Variants in DST observed in about 807,000 individuals in gnomAD.
DST encodes the protein bullous pemphigoid antigen.
DST carries 253 observed loss-of-function variants against 875.2 expected under a neutral mutation model. The observed-to-expected ratio is 0.29, with a 90% CI of 0.26 to 0.32. DST has a LOEUF of 0.32. Ranked by LOEUF, DST falls within the 10% of genes least tolerant of loss-of-function variation. DST has a pLI of 1.00. For missense variants in DST, 8,287 were observed against 9,111.6 expected, an observed-to-expected ratio of 0.91 and a Z score of 3.68; for synonymous variants, 3,124 against 3,197.1, an observed-to-expected ratio of 0.98 and a Z score of 0.77.
chr6:56,697,201 T>A (rs2099268687), intron 9 of DST, among the ~76,000 whole-genome samples: 1 of 152,170 alleles, frequency 6.6e-6, no homozygotes, highest in Non-Finnish European at 1.5e-5. Context: ...ACAAATCCCT[T>A]TCCTACACCC....
chr6:56,530,265 CTT>C, intron 64 of DST, 132 bp from the exon 65 acceptor site: 1 of 622,660 alleles, frequency 1.6e-6, no homozygotes, highest in South Asian at 5.7e-5. Context: ...ATTTAAATCT[CTT>C]AACATTTAAA....
At chr6:56,909,255 C>T (rs1797814850) in intron 2 of DST, among the ~76,000 whole-genome samples, 1 of 152,110 alleles carries the variant, frequency 6.6e-6, no homozygotes, top group African/African-American at 2.4e-5. Context: ...CCATGTTTGC[C>T]TTTTTTTGTT....
chr6:56,733,876 A>C (rs529614232), intron 5 of DST, among the ~76,000 whole-genome samples: 38 of 152,352 alleles, frequency 2.5e-4, no homozygotes, highest in Admixed American at 1.2e-3. Context: ...GGGTGAAAAA[A>C]ACAGGGGGAA....
intron 44 of DST, among the ~76,000 whole-genome samples, chr6:56,600,891 G>A (rs1286613335): frequency 6.6e-6 from 1 of 152,002 alleles, no homozygotes; most frequent in Non-Finnish European, 1.5e-5. Flanking sequence ...ACACATGCTA[G>A]GCAAGGTACT....
chr6:56,804,174 C>CTCCAACCACCCTTGCA (rs2099750503), intron 4 of DST, among the ~76,000 whole-genome samples: 1 of 152,080 alleles, frequency 6.6e-6, no homozygotes, highest in South Asian at 2.1e-4. Flanking sequence ...ATCCCAAGGG[C>CTCCAACCACCCTTGCA]TCCAACCACA....
At chr6:56,589,733 A>G (rs2098235493) in intron 49 of DST, among the ~76,000 whole-genome samples, 1 of 152,236 alleles carries the variant, frequency 6.6e-6, no homozygotes, top group Non-Finnish European at 1.5e-5. Context: ...ATTTCCCTGG[A>G]AGGGGATCTT....
intron 4 of DST, among the ~76,000 whole-genome samples, chr6:56,792,698 T>G (rs1373735182): frequency 6.6e-6 from 1 of 152,146 alleles, no homozygotes; most frequent in East Asian, 1.9e-4. Flanking sequence ...CTGTAATAAT[T>G]TTGCCACAAA....
chr6:56,507,625 A>G lies in DST; in HGVS notation c.19240-836T>C, dbSNP rs536427201. Among the ~76,000 whole-genome samples, 13 of 152,312 alleles carry G rather than the reference A, an allele frequency of 8.5e-5. No homozygotes were observed. In the South Asian group the frequency reaches 2.1e-3, roughly 24 times the overall value. On this transcript the variant is annotated intron_variant, in intron 75 of 103. Coordinates refer to ENST00000680361, the MANE Select transcript of DST (RefSeq NM_001374736.1). ...GCAGGAAGGACATTCTAGAGTGAGG[A>G]AATAAGATGCGCAAAGGCACTGACG...
At chr6:56,676,373 C>T (rs998483209) in intron 9 of DST, among the ~76,000 whole-genome samples, 10 of 152,110 alleles carry the variant, frequency 6.6e-5, no homozygotes, top group African/African-American at 2.4e-4. Flanking sequence ...CAGCTGATAG[C>T]AAGTTTTGTT....
chr6:56,618,284 T>C, intron 36 of DST: 1 of 1,614,116 alleles, frequency 6.2e-7, no homozygotes, highest in Non-Finnish European at 8.5e-7. Context: ...TGGCTGTGGT[T>C]CTTGAGTCCA....
chr6:56,906,187 T>C (rs1198506227), intron 2 of DST, among the ~76,000 whole-genome samples: 1 of 152,166 alleles, frequency 6.6e-6, no homozygotes, highest in African/African-American at 2.4e-5. Flanking sequence ...CCAGTTTACA[T>C]TCCCACCTAC....
chr6:56,906,078 C>G (rs1375880667), intron 2 of DST, among the ~76,000 whole-genome samples: 1 of 152,166 alleles, frequency 6.6e-6, no homozygotes, highest in Admixed American at 6.5e-5. Flanking sequence ...GATTCCAACC[C>G]CTTTGTACAT....
intron 4 of DST, among the ~76,000 whole-genome samples, chr6:56,827,282 G>A (rs571149025): frequency 4.6e-5 from 7 of 152,072 alleles, no homozygotes; most frequent in African/African-American, 1.4e-4. Context: ...TTGGGAGGCC[G>A]AGGCGGGTGG....
intron 2 of DST, among the ~76,000 whole-genome samples, chr6:56,950,850 A>G (rs974543066): frequency 3.3e-5 from 5 of 152,212 alleles, no homozygotes; most frequent in Admixed American, 6.5e-5. Flanking sequence ...TGTGAAAATA[A>G]AAAGGGTTGG....
At position 56,570,024 on chromosome 6, in the gene DST, A is replaced by G. The variant is rs1038776611; in HGVS notation, c.13722-12T>C. On this transcript the variant is annotated splice_polypyrimidine_tract_variant and intron_variant, in intron 53 of 103. Coordinates refer to ENST00000680361, the MANE Select transcript of DST (RefSeq NM_001374736.1). ...TTACAGCTTCTTTTCTACATAACAA[A>G]AATCATACAAGAATTTAAGTCACAG... 5 of 1,546,860 alleles carry G rather than the reference A, an allele frequency of 3.2e-6. No homozygotes were observed. Among genetic ancestry groups the G allele is most frequent in the South Asian group, 1.2e-5 (1 of 81,712 alleles).
At chr6:56,848,322 G>A (rs1276141222) in intron 4 of DST, among the ~76,000 whole-genome samples, 1 of 152,014 alleles carries the variant, frequency 6.6e-6, no homozygotes, top group African/African-American at 2.4e-5. Flanking sequence ...TCTATTTTTA[G>A]GACCTTAAAA....
intron 22 of DST, among the ~76,000 whole-genome samples, chr6:56,637,461 C>G (rs2098836770): frequency 6.6e-6 from 1 of 152,104 alleles, no homozygotes; most frequent in African/African-American, 2.4e-5. Context: ...GGTGCTAGAT[C>G]ATAAAATATA....
intron 3 of DST, among the ~76,000 whole-genome samples, chr6:56,864,444 C>T (rs1772944134): frequency 6.7e-6 from 1 of 148,454 alleles, no homozygotes; most frequent in South Asian, 2.1e-4. Flanking sequence ...CTCACCTTTA[C>T]TACATTTCAG....
At chr6:56,636,776 A>G in intron 22 of DST, 124 bp from the exon 23 acceptor site, 5 of 861,152 alleles carry the variant, frequency 5.8e-6, no homozygotes, top group Non-Finnish European at 9.5e-6. Context: ...TTTTGGCAGA[A>G]TAAGACTTGG....
Sources: allele counts gnomAD v4.1 joint callset (sites outside exome capture counted in the v4.1 genomes callset), GRCh38; gene constraint gnomAD v4.1.1; transcripts MANE v1.5; gene names NCBI Gene and HGNC (gene_info 2026-07-23, HGNC 2026-07-21).